ENTREP2: variants seen among roughly 807,000 people sequenced by gnomAD.
ENTREP2 encodes endosomal transmembrane epsin interactor 2.
chr15:29,334,519 G>A, the ENTREP2 span, among the ~76,000 whole-genome samples: 1 of 152,196 alleles, frequency 6.6e-6, no homozygotes, highest in Non-Finnish European at 1.5e-5. Context: ...GAAAGTCTCT[G>A]CTATTAGGTT....
the ENTREP2 span, among the ~76,000 whole-genome samples, chr15:29,601,891 A>T: frequency 6.6e-6 from 1 of 152,166 alleles, no homozygotes; most frequent in South Asian, 2.1e-4. Flanking sequence ...GTCACCAAGC[A>T]CTGCAGGTGT....
the ENTREP2 span, among the ~76,000 whole-genome samples, chr15:29,670,957 G>A: frequency 6.6e-6 from 1 of 152,226 alleles, no homozygotes; most frequent in Admixed American, 6.5e-5. Flanking sequence ...GCTTCAGGAT[G>A]AGGGCTGGTC....
chr15:29,429,060 T>C, the ENTREP2 span, among the ~76,000 whole-genome samples: 1 of 152,238 alleles, frequency 6.6e-6, no homozygotes, highest in South Asian at 2.1e-4. Context: ...CACTGTTAAT[T>C]ATCTATCTGC....
the ENTREP2 span, among the ~76,000 whole-genome samples, chr15:29,497,953 A>G: frequency 2.4e-4 from 36 of 152,234 alleles, no homozygotes; most frequent in East Asian, 7.0e-3. Context: ...TGCATCACCT[A>G]TGATAAGATT....
chr15:29,309,527 T>G, the ENTREP2 span, among the ~76,000 whole-genome samples: 1 of 151,936 alleles, frequency 6.6e-6, no homozygotes, highest in Non-Finnish European at 1.5e-5. Flanking sequence ...CGCATGTAAT[T>G]CCAGCACTTT....
chr15:29,270,971 G>A, the ENTREP2 span, among the ~76,000 whole-genome samples: 1 of 152,224 alleles, frequency 6.6e-6, no homozygotes, highest in Non-Finnish European at 1.5e-5. Context: ...CATTATCTGA[G>A]TAATAGCATC....
At chr15:29,649,617 G>A in the ENTREP2 span, among the ~76,000 whole-genome samples, 2 of 151,712 alleles carry the variant, frequency 1.3e-5, no homozygotes, top group African/African-American at 2.4e-5. Flanking sequence ...GCTACTTGGA[G>A]GCTGAGGCAG....
At chr15:29,141,041 C>A in the ENTREP2 span, among the ~76,000 whole-genome samples, 5,270 of 152,254 alleles carry the variant, frequency 0.035, 126 homozygotes, top group Non-Finnish European at 0.053. Flanking sequence ...AGAGGGGATC[C>A]GAACTCAGGT....
At chr15:29,125,899 C>T in the ENTREP2 span, among the ~76,000 whole-genome samples, 4 of 152,160 alleles carry the variant, frequency 2.6e-5, no homozygotes, top group East Asian at 1.9e-4. Flanking sequence ...CTGCGTGGGG[C>T]GGCTCCAGCT....
At chr15:29,395,526 TTTTC>T in the ENTREP2 span, among the ~76,000 whole-genome samples, 7 of 111,174 alleles carry the variant, frequency 6.3e-5, no homozygotes, top group Middle Eastern at 5.3e-3. Flanking sequence ...TTTTTCTCTT[TTTTC>T]TTTCTTTTTT....
At chr15:29,143,643 G>T in the ENTREP2 span, among the ~76,000 whole-genome samples, 1 of 152,208 alleles carries the variant, frequency 6.6e-6, no homozygotes, top group African/African-American at 2.4e-5. Flanking sequence ...GGGAAAGGGT[G>T]GCCGAAGGGC....
At chr15:29,628,244 T>C in the ENTREP2 span, among the ~76,000 whole-genome samples, 4 of 152,358 alleles carry the variant, frequency 2.6e-5, no homozygotes, top group Admixed American at 2.6e-4. Context: ...ACATCTTTGA[T>C]GTGTTTATTG....
chr15:29,392,680 C>A, the ENTREP2 span, among the ~76,000 whole-genome samples: 1 of 152,150 alleles, frequency 6.6e-6, no homozygotes, highest in Non-Finnish European at 1.5e-5. Context: ...AGATACTGTG[C>A]TACTGAATCT....
At chr15:29,141,103 G>C in the ENTREP2 span, among the ~76,000 whole-genome samples, 3 of 152,244 alleles carry the variant, frequency 2.0e-5, no homozygotes, top group African/African-American at 7.2e-5. Flanking sequence ...TGGAGGATGA[G>C]AACTAAGGCT....
At chr15:29,141,293 C>A in the ENTREP2 span, among the ~76,000 whole-genome samples, 1 of 152,226 alleles carries the variant, frequency 6.6e-6, no homozygotes, top group Non-Finnish European at 1.5e-5. Context: ...TGAGGGCCCA[C>A]AGGATGTGAG....
the ENTREP2 span, among the ~76,000 whole-genome samples, chr15:29,342,313 T>C: frequency 2.0e-5 from 3 of 152,208 alleles, no homozygotes; most frequent in Admixed American, 1.3e-4. Flanking sequence ...ATTATCTTTG[T>C]GGCCCTAATG....
the ENTREP2 span, chr15:29,195,187 G>T: frequency 6.1e-6 from 6 of 985,386 alleles, no homozygotes; most frequent in Non-Finnish European, 7.2e-6. Flanking sequence ...TGTCACTCTG[G>T]TGAGCTGCTG....
At chr15:29,440,041 A>C in the ENTREP2 span, among the ~76,000 whole-genome samples, 7 of 152,320 alleles carry the variant, frequency 4.6e-5, no homozygotes, top group East Asian at 1.3e-3. Context: ...GATATTCTAC[A>C]AAATACCTGA....
the ENTREP2 span, among the ~76,000 whole-genome samples, chr15:29,154,265 A>G: frequency 6.6e-6 from 1 of 151,954 alleles, no homozygotes; most frequent in African/African-American, 2.4e-5. Context: ...TATTATTATT[A>G]TTGTTCTTTT....
Sources: allele counts gnomAD v4.1 joint callset (sites outside exome capture counted in the v4.1 genomes callset), GRCh38; gene constraint gnomAD v4.1.1; transcripts MANE v1.5; gene names NCBI Gene and HGNC (gene_info 2026-07-23, HGNC 2026-07-21).